ACOT7: variants seen among roughly 807,000 people sequenced by gnomAD.
ACOT7 encodes acyl-CoA thioesterase 7, also known as cytosolic acyl coenzyme A thioester hydrolase.
Under a neutral mutation model 40.2 loss-of-function variants are expected in ACOT7, and 12 were observed. The observed-to-expected ratio is 0.30, with a 90% CI of 0.19 to 0.48. The LOEUF is 0.48. ACOT7 is among the 20% of genes least tolerant of loss of function. The probability of loss-of-function intolerance (pLI) is 0.99; values close to 1 mark genes in which losing one functional copy is unlikely to be tolerated. For missense variants in ACOT7, 395 were observed against 530.8 expected (o/e 0.74, Z 2.51); for synonymous variants, 228 against 219.5 (o/e 1.04, Z -0.34).
chr1:6,316,981 A>G (rs1233268887), intron 6 of ACOT7, among the ~76,000 whole-genome samples: 2 of 152,228 alleles, frequency 1.3e-5, no homozygotes, highest in Non-Finnish European at 2.9e-5. Flanking sequence ...TATAAATGTA[A>G]GCCAGCACAG....
rs1199721326 is a variant in ACOT7, at chr1:6,264,380, C to T, written c.*217G>A. ...GCCCAACGCCTCCCGGCGCTCGGGACAACACTGTGTAGCATTGATACTGGA... is the reference window on the plus strand; with the variant it reads ...GCCCAACGCCTCCCGGCGCTCGGGATAACACTGTGTAGCATTGATACTGGA... On this transcript the variant is annotated 3_prime_UTR_variant, in exon 9 of 9. Transcript: ENST00000361521. 1.8e-6 allele frequency: 1 copy of T among 560,436 alleles called. No homozygotes were observed. The highest frequency in any genetic ancestry group is 3.1e-6 in the Non-Finnish European group (1 of 320,738). 34.7% of individuals were successfully genotyped at this position (560,436 alleles called of 1,614,324 possible).
rs977985797 is a variant in ACOT7, at chr1:6,358,453, T to C, written c.144-8587A>G. Among the ~76,000 whole-genome samples, 1 of 152,180 alleles carries C rather than the reference T, an allele frequency of 6.6e-6. No individual in the cohort carries two copies. Among genetic ancestry groups the C allele is most frequent in the South Asian group, 2.1e-4 (1 of 4,838 alleles). ...CCGCAGGTAGGAAGCTCAGCAGCGCTGGGAAACCGCAGTGAACCCAGCCCA... is the reference window on the plus strand; with the variant it reads ...CCGCAGGTAGGAAGCTCAGCAGCGCCGGGAAACCGCAGTGAACCCAGCCCA... On this transcript the variant is annotated intron_variant, in intron 1 of 8. Coordinates refer to ENST00000361521, the MANE Select transcript of ACOT7 (RefSeq NM_007274.4). The surrounding 1 kb of genome is among the most constrained non-coding windows in gnomAD (Gnocchi z 4.1).
intron 1 of ACOT7, among the ~76,000 whole-genome samples, chr1:6,380,127 C>A (rs888234469): frequency 2.0e-5 from 3 of 151,680 alleles, no homozygotes; most frequent in Non-Finnish European, 2.9e-5. Context: ...GCCAAACAAT[C>A]ATGAAAAAGA....
intron 1 of ACOT7, among the ~76,000 whole-genome samples, chr1:6,365,260 G>A (rs895034981): frequency 1.3e-5 from 2 of 152,090 alleles, no homozygotes; most frequent in African/African-American, 2.4e-5. Flanking sequence ...TCACAGTCTC[G>A]GTCTTGATTG....
rs111822727 is a variant in ACOT7, at chr1:6,342,336, C to A, written c.262-2747G>T. On this transcript the variant is annotated intron_variant, in intron 2 of 8. Transcript: ENST00000361521. ...CTCCCAAAGGCCCCACCCCCTAATA[C>A]CATCACCCTGGGGGTGAGAATTTCA... Among the ~76,000 whole-genome samples, 706 of 152,220 alleles carry A rather than the reference C, an allele frequency of 4.6e-3. 3 individuals are homozygous for A. Among genetic ancestry groups the A allele is most frequent in the African/African-American group, 0.016 (666 of 41,520 alleles).
At position 6,299,848 on chromosome 1, in the gene ACOT7, G is replaced by A. The variant is rs138829135; in HGVS notation, c.713-4868C>T. Among the ~76,000 whole-genome samples the A allele has an allele frequency of 1.1e-3, 169 of 152,346 alleles. 1 individual carries two copies. Among genetic ancestry groups the A allele is most frequent in the African/African-American group, 3.9e-3 (162 of 41,578 alleles). On this transcript the variant is annotated intron_variant, in intron 6 of 8. Coordinates refer to ENST00000361521, the MANE Select transcript of ACOT7 (RefSeq NM_007274.4). The surrounding 1 kb of genome is among the most constrained non-coding windows in gnomAD (Gnocchi z 4.1). The stretch of plus-strand genomic sequence containing the variant: ...ACTCACACACACAGCCAGCACAGGT[G>A]TGCCACGGAATTCCACGGCATTTCC...
intron 1 of ACOT7, among the ~76,000 whole-genome samples, chr1:6,384,929 T>C (rs928538398): frequency 4.6e-5 from 7 of 151,928 alleles, no homozygotes; most frequent in East Asian, 1.9e-4. Flanking sequence ...GTATGGCATG[T>C]GAACTATAAC....
chr1:6,280,374 T>G (rs1639320019), intron 8 of ACOT7, among the ~76,000 whole-genome samples: 1 of 152,208 alleles, frequency 6.6e-6, no homozygotes, highest in Non-Finnish European at 1.5e-5. Flanking sequence ...GGAAGCTGCC[T>G]CTTTGGGCCG....
chr1:6,295,266 G>C (rs1017622891), intron 6 of ACOT7: 2 of 262,358 alleles, frequency 7.6e-6, no homozygotes, highest in South Asian at 7.0e-5. Flanking sequence ...GGCAAGTTTT[G>C]TTACAATATC....
intron 1 of ACOT7, among the ~76,000 whole-genome samples, chr1:6,368,827 T>G (rs575328429): frequency 1.4e-4 from 21 of 152,062 alleles, no homozygotes; most frequent in Non-Finnish European, 2.2e-4. Context: ...CTGCTGCCAC[T>G]GCTGCTCCCA....
intron 3 of ACOT7, among the ~76,000 whole-genome samples, chr1:6,333,870 C>T (rs927383313): frequency 2.0e-5 from 3 of 152,118 alleles, no homozygotes; most frequent in African/African-American, 7.2e-5. Context: ...CCAAAACTGG[C>T]TTGAGCTCAG....
chr1:6,268,899 G>A (rs1459539859), intron 8 of ACOT7, among the ~76,000 whole-genome samples: 5 of 152,184 alleles, frequency 3.3e-5, no homozygotes, highest in East Asian at 1.9e-4. Flanking sequence ...TCCAGCCGCC[G>A]AGGGCGTGGG....
chr1:6,321,707 G>T (rs1320853192), intron 5 of ACOT7, among the ~76,000 whole-genome samples: 1 of 152,166 alleles, frequency 6.6e-6, no homozygotes, highest in Non-Finnish European at 1.5e-5. Flanking sequence ...GTAGAGACGG[G>T]GTTTCACCGT....
chr1:6,307,621 G>A (rs1332839321), intron 6 of ACOT7, among the ~76,000 whole-genome samples: 1 of 152,240 alleles, frequency 6.6e-6, no homozygotes, highest in East Asian at 1.9e-4. Context: ...CCCTGGCAGA[G>A]GGAACAGCAA....
chr1:6,278,859 A>C lies in ACOT7; in HGVS notation c.1014+2243T>G, dbSNP rs1639275006. On this transcript the variant is annotated intron_variant, in intron 8 of 8. Transcript: ENST00000361521. The surrounding 1 kb of genome is among the most constrained non-coding windows in gnomAD (Gnocchi z 4.1). ...CTGGTCAGCTGTGCTACAGACAGGGAGCGGACAGCAGACAGGGCGTGTCCT... is the reference window on the plus strand; with the variant it reads ...CTGGTCAGCTGTGCTACAGACAGGGCGCGGACAGCAGACAGGGCGTGTCCT... 6.6e-6 allele frequency among the ~76,000 whole-genome samples: 1 copy of C among 152,120 alleles called. No individual in the cohort carries two copies. The highest frequency in any genetic ancestry group is 2.1e-4 in the South Asian group (1 of 4,810).
rs1571279058 is a variant in ACOT7 at position 6,294,764 on chromosome 1, G to T, written c.829+100C>A. 1.2e-6 allele frequency: 1 copy of T among 867,152 alleles called. No homozygotes were observed. Among genetic ancestry groups the T allele is most frequent in the Non-Finnish European group, 1.9e-6 (1 of 533,394 alleles). The allele number at this position is 867,152 out of a possible 1,614,324, so 53.7% of individuals were successfully genotyped here. On this transcript the variant is annotated intron_variant, in intron 7 of 8. Coordinates refer to ENST00000361521, the MANE Select transcript of ACOT7 (RefSeq NM_007274.4). The surrounding 1 kb of genome is among the most constrained non-coding windows in gnomAD (Gnocchi z 4.6). ...CCTGTGGCAGATGGGCACACACCAA[G>T]GCCCACATGACCCTGGGTGTGAACA...
At chr1:6,336,556 C>A (rs935178816) in intron 3 of ACOT7, among the ~76,000 whole-genome samples, 2 of 152,100 alleles carry the variant, frequency 1.3e-5, no homozygotes, top group Non-Finnish European at 2.9e-5. Context: ...AGGGGACACA[C>A]AGAACAGGGG....
chr1:6,340,597 A>C (rs1198131116), intron 2 of ACOT7, among the ~76,000 whole-genome samples: 1 of 152,078 alleles, frequency 6.6e-6, no homozygotes, highest in Non-Finnish European at 1.5e-5. Context: ...TTGTTGTCTC[A>C]CTTGTTCGTC....
In ACOT7 at chr1:6,339,472, C is replaced by T; in HGVS notation, c.379G>A (p.Glu127Lys). 6.2e-7 allele frequency: 1 copy of T among 1,613,750 alleles called. No individual in the cohort carries two copies. Among genetic ancestry groups the T allele is most frequent in the Non-Finnish European group, 8.5e-7 (1 of 1,180,042 alleles). ...TCGGACATCACGTTGACCTGCACCT[C>T]CACAGAGTGCTTGGAGGTGTAGGTG... ...EITYTSKHSV[E>K]VQVNVMSENI... The change falls in exon 3 of 9, where the codon GAG becomes AAG. Residue 127 changes from glutamate to lysine, a missense_variant. Physicochemically the swap from Glu to Lys is moderately conservative, Grantham distance 56. Around this residue, in one of 2 missense-constraint regions of ACOT7, gnomAD observed 309 missense variants for 470.3 expected, o/e 0.66. Transcript: ENST00000361521.
Sources: gnomAD v4.1 joint callset for allele counts (sites outside exome capture counted in the v4.1 genomes callset) on GRCh38, gnomAD v4.1.1 for gene constraint, gnomAD v4.1.1 regional missense constraint, Gnocchi (gnomAD v3.1) non-coding constraint, MANE v1.5 for transcripts, NCBI Gene and HGNC (gene_info 2026-07-23, HGNC 2026-07-21) for gene names.